TAFA1: variants seen among roughly 807,000 people sequenced by gnomAD.
The protein encoded by TAFA1 is chemokine-like protein TAFA-1.
TAFA1 carries 4 observed loss-of-function variants against 18.5 expected under a neutral mutation model. The observed-to-expected ratio is 0.22, with a 90% CI of 0.11 to 0.49. The LOEUF is 0.49. Ranked by LOEUF, TAFA1 falls within the 20% of genes least tolerant of loss-of-function variation. The pLI is 0.98. For synonymous variants in TAFA1, 56 were observed against 55.2 expected, an observed-to-expected ratio of 1.01 and a Z score of -0.06; for missense variants, 147 against 169.0, an observed-to-expected ratio of 0.87 and a Z score of 0.72.
intron 2 of TAFA1, among the ~76,000 whole-genome samples, chr3:68,083,141 G>A (rs2064925969): frequency 6.6e-6 from 1 of 152,150 alleles, no homozygotes; most frequent in African/African-American, 2.4e-5. Context: ...TGAAGGCTAG[G>A]TCTTATGTCA....
intron 2 of TAFA1, among the ~76,000 whole-genome samples, chr3:68,320,939 A>C (rs995809385): frequency 2.0e-5 from 3 of 152,156 alleles, no homozygotes; most frequent in African/African-American, 7.2e-5. Context: ...GGCGCTGGGC[A>C]TGGTCTAGCC....
chr3:68,214,620 T>C (rs1426152908), intron 2 of TAFA1, among the ~76,000 whole-genome samples: 4 of 152,072 alleles, frequency 2.6e-5, no homozygotes, highest in South Asian at 4.1e-4. Context: ...TCTGGGCTTC[T>C]ATTTCCTGGT....
At chr3:68,201,723 A>T (rs2066471683) in intron 2 of TAFA1, among the ~76,000 whole-genome samples, 2 of 151,718 alleles carry the variant, frequency 1.3e-5, no homozygotes, top group South Asian at 4.1e-4. Context: ...TTTCTATAAC[A>T]GAATACCTGA....
chr3:68,483,858 T>A (rs1306584092), intron 3 of TAFA1, among the ~76,000 whole-genome samples: 2 of 152,112 alleles, frequency 1.3e-5, no homozygotes, highest in Non-Finnish European at 2.9e-5. Context: ...AAGGAAACAA[T>A]AGGAGGTTGA....
At chr3:68,129,324 C>T (rs1051895667) in intron 2 of TAFA1, among the ~76,000 whole-genome samples, 2 of 152,116 alleles carry the variant, frequency 1.3e-5, no homozygotes, top group Admixed American at 6.5e-5. Context: ...AATGCTACAC[C>T]CAATCCCAGC....
chr3:68,444,218 A>AGTGAAATAC (rs2071435096), intron 3 of TAFA1, among the ~76,000 whole-genome samples: 1 of 152,142 alleles, frequency 6.6e-6, no homozygotes, highest in Admixed American at 6.6e-5. Flanking sequence ...AGCCTCAAAC[A>AGTGAAATAC]GTGAAATACG....
intron 2 of TAFA1, among the ~76,000 whole-genome samples, chr3:68,278,881 A>G (rs1337715776): frequency 6.6e-6 from 1 of 152,096 alleles, no homozygotes; most frequent in Non-Finnish European, 1.5e-5. Flanking sequence ...TCCACACACC[A>G]TGGTTTGTTA....
chr3:68,311,101 TC>T (rs909670211), intron 2 of TAFA1, among the ~76,000 whole-genome samples: 8 of 152,052 alleles, frequency 5.3e-5, no homozygotes, highest in African/African-American at 1.9e-4. Flanking sequence ...GCAGGGAGAC[TC>T]CCATTTTTAA....
chr3:68,018,160 T>A (rs898509994), intron 2 of TAFA1, among the ~76,000 whole-genome samples: 1 of 152,200 alleles, frequency 6.6e-6, no homozygotes. Flanking sequence ...AGTTTTACAA[T>A]CTCAAGGCTG....
At chr3:68,228,316 C>T (rs1439949142) in intron 2 of TAFA1, among the ~76,000 whole-genome samples, 3 of 152,022 alleles carry the variant, frequency 2.0e-5, no homozygotes, top group African/African-American at 4.8e-5. Context: ...TTTACAGGCA[C>T]GATTAAAGCC....
At position 68,262,349 on chromosome 3, in the gene TAFA1, A is replaced by ATATATATATATATATT. The variant is rs2067450632; in HGVS notation, c.119-154922_119-154921insATATATTTATATATAT. Reference sequence around the variant, plus strand: ...TATATATATATATATATATATATATATATATATATTTCATGGGTATATTGA... The same window carrying ATATATATATATATATT: ...TATATATATATATATATATATATATATATATATATATATATTTATATATATTTCATGGGTATATTGA... On this transcript the variant is annotated intron_variant, in intron 2 of 4. Coordinates refer to ENST00000478136, the MANE Select transcript of TAFA1 (RefSeq NM_213609.4). Among the ~76,000 whole-genome samples the ATATATATATATATATT allele has an allele frequency of 7.6e-5, 6 of 78,730 alleles. 1 individual carries two copies. Among genetic ancestry groups the ATATATATATATATATT allele is most frequent in the Admixed American group, 3.3e-4 (2 of 5,990 alleles). 51.6% of individuals were successfully genotyped at this position (78,730 alleles called of 152,430 possible).
chr3:68,504,784 G>A (rs1056537436), intron 3 of TAFA1, among the ~76,000 whole-genome samples: 1 of 152,050 alleles, frequency 6.6e-6, no homozygotes, highest in Non-Finnish European at 1.5e-5. Context: ...AAAAGTAAAA[G>A]TCTCTCCAAA....
chr3:68,080,013 T>C (rs1187781625), intron 2 of TAFA1, among the ~76,000 whole-genome samples: 1 of 152,042 alleles, frequency 6.6e-6, no homozygotes, highest in African/African-American at 2.4e-5. Flanking sequence ...TGGGTGCATA[T>C]ATATTTAGGA....
At chr3:68,120,820 C>T (rs573711298) in intron 2 of TAFA1, among the ~76,000 whole-genome samples, 59 of 152,078 alleles carry the variant, frequency 3.9e-4, no homozygotes, top group African/African-American at 1.3e-3. Flanking sequence ...ATTTCATTCT[C>T]CTAAAAAAAT....
At chr3:68,287,276 C>T (rs1381364697) in intron 2 of TAFA1, among the ~76,000 whole-genome samples, 1 of 152,170 alleles carries the variant, frequency 6.6e-6, no homozygotes, top group Non-Finnish European at 1.5e-5. Context: ...CCATTATCGC[C>T]CTATTACATG....
chr3:68,485,115 C>T (rs539382826), intron 3 of TAFA1, among the ~76,000 whole-genome samples: 1 of 152,158 alleles, frequency 6.6e-6, no homozygotes, highest in Admixed American at 6.5e-5. Context: ...TCTCCAGCCT[C>T]TGGGGCCTCT....
intron 3 of TAFA1, among the ~76,000 whole-genome samples, chr3:68,426,840 C>G (rs747001145): frequency 6.6e-6 from 1 of 151,780 alleles, no homozygotes; most frequent in Non-Finnish European, 1.5e-5. Context: ...TCTGCATTTT[C>G]TCAACAGGAT....
chr3:68,407,316 T>C (rs919284436), intron 2 of TAFA1, among the ~76,000 whole-genome samples: 2 of 152,074 alleles, frequency 1.3e-5, no homozygotes, highest in Non-Finnish European at 2.9e-5. Flanking sequence ...ACCTGATAAG[T>C]ATAAGAATTA....
chr3:68,039,950 C>T lies in TAFA1; in HGVS notation c.118+33206C>T, dbSNP rs993370744. Among the ~76,000 whole-genome samples the T allele has an allele frequency of 2.6e-5, 4 of 152,146 alleles. No homozygotes were observed. The South Asian group carries it at 8.3e-4, about 32-fold the overall frequency. ...TGCTCCCAGGGCTAATCACTCCATA[C>T]ATTTCTGATCTGCCCTGTGGGTGGG... On this transcript the variant is annotated intron_variant, in intron 2 of 4. Coordinates refer to ENST00000478136, the MANE Select transcript of TAFA1 (RefSeq NM_213609.4).
Sources: allele counts gnomAD v4.1 joint callset (sites outside exome capture counted in the v4.1 genomes callset), GRCh38; gene constraint gnomAD v4.1.1; transcripts MANE v1.5; gene names NCBI Gene and HGNC (gene_info 2026-07-23, HGNC 2026-07-21).